SART3: variants seen among roughly 807,000 people sequenced by gnomAD.
The protein encoded by SART3 is spliceosome associated factor 3, U4/U6 recycling protein, also known as HIV-1 Tat-interacting protein of 110kDa.
In SART3, 44 loss-of-function variants were observed where a neutral mutation model predicts 122.3. The ratio of observed to expected loss-of-function variants is 0.36; its 90% CI spans 0.28 to 0.46. SART3 has a LOEUF of 0.46. Among genes scored for constraint, SART3 ranks in the 20% least tolerant of loss-of-function variants. The pLI is 1.00. For missense variants in SART3, 1,101 were observed against 1,229.0 expected, an observed-to-expected ratio of 0.90 and a Z score of 1.56; for synonymous variants, 442 against 454.0, an observed-to-expected ratio of 0.97 and a Z score of 0.34.
chr12:108,530,060 G>T, intron 15 of SART3, 82 bp downstream of exon 15: 1 of 1,500,996 alleles, frequency 6.7e-7, no homozygotes, highest in Non-Finnish European at 9.2e-7. Context: ...TAACGGTTCA[G>T]GGAAGAAAGT....
intron 1 of SART3, among the ~76,000 whole-genome samples, chr12:108,549,713 T>A (rs1240426532): frequency 6.6e-6 from 1 of 152,060 alleles, no homozygotes; most frequent in Admixed American, 6.6e-5. Context: ...CTCTTTTATT[T>A]TACTAAATAA....
intron 6 of SART3, chr12:108,542,622 AAAT>A (rs1873219757): frequency 3.0e-6 from 1 of 328,318 alleles, no homozygotes; most frequent in South Asian, 2.6e-5. Context: ...TGTTCAATGA[AAAT>A]AAAATATACA....
chr12:108,530,981 A>C (rs1249625849), intron 14 of SART3, among the ~76,000 whole-genome samples: 1 of 152,222 alleles, frequency 6.6e-6, no homozygotes, highest in African/African-American at 2.4e-5. Flanking sequence ...TTAGAGCCAA[A>C]ATTCCCTCAC....
chr12:108,557,123 C>G (rs2136697880), intron 1 of SART3, among the ~76,000 whole-genome samples: 1 of 151,400 alleles, frequency 6.6e-6, no homozygotes, highest in Non-Finnish European at 1.5e-5. Context: ...CTTAAAAGAG[C>G]TATTTCCACA....
At chr12:108,524,603 G>A in intron 17 of SART3, 97 bp from the exon 18 acceptor site, 1 of 1,123,252 alleles carries the variant, frequency 8.9e-7, no homozygotes, top group Non-Finnish European at 1.3e-6. Context: ...CCGGAGACCA[G>A]CAGACCAGGC....
intron 3 of SART3, among the ~76,000 whole-genome samples, chr12:108,546,204 A>G (rs1873409114): frequency 1.3e-5 from 2 of 152,070 alleles, no homozygotes; most frequent in Non-Finnish European, 2.9e-5. Context: ...GAAAGGGGAA[A>G]TTGTTTGTTT....
chr12:108,532,634 C>T (rs773910674), intron 12 of SART3: 6 of 372,230 alleles, frequency 1.6e-5, no homozygotes, highest in African/African-American at 4.2e-5. Context: ...CGGCACATGG[C>T]GGGGGAGTCC....
intron 1 of SART3, among the ~76,000 whole-genome samples, chr12:108,551,859 G>C (rs1297612014): frequency 6.6e-6 from 1 of 152,150 alleles, no homozygotes; most frequent in Non-Finnish European, 1.5e-5. Context: ...GCAGGTCAAA[G>C]AGGAAGTCTC....
At chr12:108,559,142 G>A (rs1164066848) in intron 1 of SART3, among the ~76,000 whole-genome samples, 3 of 151,088 alleles carry the variant, frequency 2.0e-5, no homozygotes, top group Admixed American at 1.3e-4. Flanking sequence ...TATACCAATG[G>A]ATGACATCAC....
At chr12:108,560,118 T>A (rs2030430928) in intron 1 of SART3, 1 of 152,290 alleles carries the variant, frequency 6.6e-6, no homozygotes, top group Admixed American at 6.5e-5. Context: ...TGCCACCTAT[T>A]TCCTGCTGAG....
intron 1 of SART3, among the ~76,000 whole-genome samples, chr12:108,556,678 T>C (rs140176266): frequency 2.0e-5 from 3 of 152,366 alleles, no homozygotes; most frequent in East Asian, 3.9e-4. Context: ...AAAGCTCTGG[T>C]TCTTAAATGG....
chr12:108,559,175 T>C (rs978065192), intron 1 of SART3, among the ~76,000 whole-genome samples: 5 of 151,816 alleles, frequency 3.3e-5, no homozygotes, highest in Admixed American at 6.6e-5. Flanking sequence ...AAAATATCAG[T>C]GCCAGAGAGA....
In SART3 at chr12:108,523,541, C is replaced by CCT; in HGVS notation, c.2807_2808insAG (p.Ala937GlyfsTer26). 1 of 1,613,844 alleles carries CCT rather than the reference C, an allele frequency of 6.2e-7. No homozygotes were observed. Among genetic ancestry groups the CCT allele is most frequent in the Non-Finnish European group, 8.5e-7 (1 of 1,180,010 alleles). ...CTGCTGGGGCGGCAACTGCAGGAGC[C>CCT]GCGGCAGGGCCGTTCTCAGCCTGAG... On this transcript the variant is annotated frameshift_variant, in exon 19 of 19. Coordinates refer to ENST00000546815, the MANE Select transcript of SART3 (RefSeq NM_014706.4). LOFTEE classifies it high-confidence loss of function.
rs771115940 is a variant in SART3, at chr12:108,549,037, T to C, written c.439+51A>G. ...GTCCCACTTTCAACATTGTAAAAAA[T>C]GTGCAAGCCTTGTTTCTGTTTCTAA... On this transcript the variant is annotated intron_variant, in intron 2 of 18. Transcript: ENST00000546815. 22 of 1,613,402 alleles carry C rather than the reference T, an allele frequency of 1.4e-5. No individual in the cohort carries two copies. In the Admixed American group the frequency reaches 3.3e-4, roughly 24 times the overall value.
At chr12:108,545,663 G>A (rs1873371404) in intron 3 of SART3, among the ~76,000 whole-genome samples, 1 of 152,112 alleles carries the variant, frequency 6.6e-6, no homozygotes, top group African/African-American at 2.4e-5. Context: ...AGAGATACAG[G>A]TATAGTTTTT....
intron 15 of SART3, among the ~76,000 whole-genome samples, chr12:108,527,709 A>C (rs1418684518): frequency 6.6e-6 from 1 of 152,218 alleles, no homozygotes; most frequent in Non-Finnish European, 1.5e-5. Flanking sequence ...TCTGGCTCAC[A>C]CATCTGTATT....
intron 6 of SART3, among the ~76,000 whole-genome samples, chr12:108,539,703 C>G (rs781510787): frequency 1.3e-5 from 2 of 152,112 alleles, no homozygotes; most frequent in Non-Finnish European, 1.5e-5. Flanking sequence ...TTGGGAAGCA[C>G]AGGTACATGC....
Position 108,523,358 on chromosome 12 carries a change from C to T in SART3, c.*99G>A. On this transcript the variant is annotated 3_prime_UTR_variant, in exon 19 of 19. Coordinates refer to ENST00000546815, the MANE Select transcript of SART3 (RefSeq NM_014706.4). ...GGAGCCATCTGTGGTTGCGAGCACGCAGCACACCAGGCCTGTCCATCCCCA... is the reference window on the plus strand; with the variant it reads ...GGAGCCATCTGTGGTTGCGAGCACGTAGCACACCAGGCCTGTCCATCCCCA... The T allele has an allele frequency of 1.5e-6, 2 of 1,296,302 alleles. No homozygotes were observed. The highest frequency in any genetic ancestry group is 1.2e-5 in the South Asian group (1 of 84,282). The allele number at this position is 1,296,302 out of a possible 1,614,324, so 80.3% of individuals were successfully genotyped here.
intron 1 of SART3, among the ~76,000 whole-genome samples, chr12:108,552,496 T>A (rs1592775041): frequency 7.7e-6 from 1 of 129,398 alleles, no homozygotes; most frequent in Admixed American, 7.5e-5. Flanking sequence ...ACTCCAAAAA[T>A]AGTGAACTGA....
Sources: gnomAD v4.1 joint callset for allele counts (sites outside exome capture counted in the v4.1 genomes callset) on GRCh38, gnomAD v4.1.1 for gene constraint, MANE v1.5 for transcripts, NCBI Gene and HGNC (gene_info 2026-07-23, HGNC 2026-07-21) for gene names.